Variants in PTPRQ observed in about 807,000 individuals in gnomAD.
The protein encoded by PTPRQ is protein tyrosine phosphatase receptor type Q, also known as phosphatidylinositol phosphatase PTPRQ.
Under a neutral mutation model 246.0 loss-of-function variants are expected in PTPRQ, and 199 were observed. The ratio of observed to expected loss-of-function variants is 0.81; its 90% CI spans 0.72 to 0.91. The LOEUF is 0.91. Ranked by LOEUF, PTPRQ falls within the 40% of genes least tolerant of loss-of-function variation. PTPRQ has a pLI of 0.00. For synonymous variants in PTPRQ, 869 were observed against 853.2 expected, an observed-to-expected ratio of 1.02 and a Z score of -0.32; for missense variants, 2,624 against 2,528.4, an observed-to-expected ratio of 1.04 and a Z score of -0.81.
intron 25 of PTPRQ, among the ~76,000 whole-genome samples, chr12:80,558,051 C>T (rs909429732): frequency 1.3e-5 from 2 of 151,194 alleles, no homozygotes; most frequent in Non-Finnish European, 3.0e-5. Context: ...CTCTTTCTCC[C>T]TTCCTCCCTT....
intron 26 of PTPRQ, among the ~76,000 whole-genome samples, chr12:80,599,491 AC>A (rs1381227734): frequency 4.1e-4 from 63 of 151,918 alleles, no homozygotes; most frequent in Non-Finnish European, 1.2e-4. Context: ...CATATTTTCA[AC>A]TCCTCATACT....
At chr12:80,470,992 G>A (rs1893606700) in intron 7 of PTPRQ, among the ~76,000 whole-genome samples, 1 of 152,148 alleles carries the variant, frequency 6.6e-6, no homozygotes, top group South Asian at 2.1e-4. Flanking sequence ...TAAGGATTAA[G>A]TCTCAGGATA....
chr12:80,613,360 T>C lies in PTPRQ; in HGVS notation c.4919-232T>C, dbSNP rs7963490. ...TAAAATGTCATAGAAACACATTCTG[T>C]GTAAAAATAAGTGCATATAAAACAA... On this transcript the variant is annotated intron_variant, in intron 28 of 44. Transcript: ENST00000644991. Among the ~76,000 whole-genome samples the C allele has an allele frequency of 0.17, 25,290 of 150,506 alleles. 3,483 individuals carry two copies. The highest frequency in any genetic ancestry group is 0.37 in the African/African-American group (15,306 of 41,264).
At chr12:80,668,167 T>C (rs529273312) in intron 39 of PTPRQ, among the ~76,000 whole-genome samples, 1 of 152,096 alleles carries the variant, frequency 6.6e-6, no homozygotes, top group South Asian at 2.1e-4. Flanking sequence ...GTCATTCCAT[T>C]ACTACTTTTT....
intron 3 of PTPRQ, among the ~76,000 whole-genome samples, chr12:80,455,222 A>T (rs1565715315): frequency 1.3e-5 from 2 of 152,198 alleles, no homozygotes; most frequent in Non-Finnish European, 2.9e-5. Context: ...TGCTCTTTGC[A>T]CATTGTACTT....
chr12:80,467,850 A>C (rs1488436782), intron 6 of PTPRQ, among the ~76,000 whole-genome samples: 3 of 151,632 alleles, frequency 2.0e-5, no homozygotes, highest in African/African-American at 2.4e-5. Context: ...CACTCTGGGG[A>C]CTGTTGTGGG....
chr12:80,618,129 T>A (rs970905754), intron 30 of PTPRQ, among the ~76,000 whole-genome samples: 2 of 151,350 alleles, frequency 1.3e-5, no homozygotes, highest in Admixed American at 1.3e-4. Context: ...AATTTGCATT[T>A]GAATCTGATG....
chr12:80,616,845 A>G (rs1043911279), intron 30 of PTPRQ, among the ~76,000 whole-genome samples: 1 of 151,140 alleles, frequency 6.6e-6, no homozygotes, highest in Non-Finnish European at 1.5e-5. Context: ...TGAAACCCAA[A>G]AAAGATGATT....
intron 41 of PTPRQ, among the ~76,000 whole-genome samples, chr12:80,669,746 C>T (rs1275139527): frequency 1.3e-5 from 2 of 152,074 alleles, no homozygotes; most frequent in Non-Finnish European, 2.9e-5. Context: ...GATGAGATCA[C>T]TAGCTTTATT....
chr12:80,502,334 G>A (rs1169235744), intron 14 of PTPRQ, among the ~76,000 whole-genome samples: 1 of 152,036 alleles, frequency 6.6e-6, no homozygotes, highest in East Asian at 1.9e-4. Flanking sequence ...TTTGTGAAGA[G>A]AGAACATGGT....
chr12:80,542,056 T>C (rs1021595784), intron 21 of PTPRQ, 33 bp from the exon 22 acceptor site: 22 of 1,520,864 alleles, frequency 1.4e-5, no homozygotes, highest in African/African-American at 2.8e-5. Context: ...GATTCACTTT[T>C]GTTTCATTTA....
At chr12:80,532,632 T>G (rs1895877381) in intron 17 of PTPRQ, among the ~76,000 whole-genome samples, 1 of 152,172 alleles carries the variant, frequency 6.6e-6, no homozygotes, top group Admixed American at 6.5e-5. Context: ...AAAGGCATCT[T>G]TTCTGGCGAC....
At chr12:80,667,782 T>A (rs1283957933) in intron 39 of PTPRQ, among the ~76,000 whole-genome samples, 3 of 151,968 alleles carry the variant, frequency 2.0e-5, no homozygotes, top group Admixed American at 6.6e-5. Flanking sequence ...ATTTTCAAAA[T>A]ATTCTACATT....
At position 80,539,919 on chromosome 12, in the gene PTPRQ, C is replaced by A; in HGVS notation, c.3129C>A (p.Ile1043=). 6.5e-7 allele frequency: 1 copy of A among 1,548,466 alleles called. No individual in the cohort carries two copies. Among genetic ancestry groups the A allele is most frequent in the Non-Finnish European group, 8.7e-7 (1 of 1,145,308 alleles). The change falls in exon 20 of 45, where the codon ATC becomes ATA. Residue 1043 remains isoleucine (I), a synonymous_variant. Coordinates refer to ENST00000644991, the MANE Select transcript of PTPRQ (RefSeq NM_001145026.2). ...SVGNGNKSSD[I]IEVYTDQDIP... ...GAAATGGGAATAAAAGCAGTGACAT[C>A]ATTGAAGTATACACAGATCAAGACA...
chr12:80,647,545 A>G (rs924161628), intron 35 of PTPRQ, among the ~76,000 whole-genome samples: 7 of 152,092 alleles, frequency 4.6e-5, no homozygotes, highest in African/African-American at 1.4e-4. Flanking sequence ...AATTATTTTT[A>G]ACAAAGATTG....
intron 14 of PTPRQ, among the ~76,000 whole-genome samples, chr12:80,502,814 A>G (rs10862144): frequency 0.3 from 45,524 of 151,754 alleles, 8,187 homozygotes; most frequent in African/African-American, 0.5. Flanking sequence ...ATGAAAGCCA[A>G]TGAGGTACGG....
At chr12:80,501,593 T>C (rs1231975550) in intron 14 of PTPRQ, among the ~76,000 whole-genome samples, 1 of 151,926 alleles carries the variant, frequency 6.6e-6, no homozygotes, top group Non-Finnish European at 1.5e-5. Flanking sequence ...GAGGATAAAG[T>C]CATATCACTG....
intron 25 of PTPRQ, among the ~76,000 whole-genome samples, chr12:80,571,995 A>G (rs1468461881): frequency 6.6e-6 from 1 of 151,874 alleles, no homozygotes; most frequent in African/African-American, 2.4e-5. Flanking sequence ...TCTTCTGGCT[A>G]TTTTTGGTCT....
intron 17 of PTPRQ, among the ~76,000 whole-genome samples, chr12:80,527,561 T>G (rs1895724281): frequency 6.6e-6 from 1 of 151,760 alleles, no homozygotes; most frequent in African/African-American, 2.4e-5. Context: ...GAAGCTAAAT[T>G]AAAAATTTAC....
Sources: allele counts gnomAD v4.1 joint callset (sites outside exome capture counted in the v4.1 genomes callset), GRCh38; gene constraint gnomAD v4.1.1; transcripts MANE v1.5; gene names NCBI Gene and HGNC (gene_info 2026-07-23, HGNC 2026-07-21).